ATAD2: variants seen among roughly 807,000 people sequenced by gnomAD.
The protein encoded by ATAD2 is ATPase family AAA domain containing 2.
ATAD2 carries 62 observed loss-of-function variants against 168.9 expected under a neutral mutation model. That is an observed-to-expected ratio of 0.37 (90% CI 0.30 to 0.45). The LOEUF (loss-of-function observed/expected upper bound fraction) is 0.45, where lower values mean the gene tolerates loss of function less well. Ranked by LOEUF, ATAD2 falls within the 20% of genes least tolerant of loss-of-function variation. The pLI is 1.00. For synonymous variants in ATAD2, 613 were observed against 571.6 expected, an observed-to-expected ratio of 1.07 and a Z score of -1.03; for missense variants, 1,419 against 1,667.8, an observed-to-expected ratio of 0.85 and a Z score of 2.60.
Position 123,320,015 on chromosome 8 carries a change from CA to C in ATAD2, c.*1118del, listed in dbSNP as rs1827426055. 6.6e-6 allele frequency: 1 copy of C among 152,066 alleles called. No homozygotes were observed. The allele number at this position is 152,066 out of a possible 1,614,324, so 9.4% of individuals were successfully genotyped here. On this transcript the variant is annotated 3_prime_UTR_variant, in exon 28 of 28. Coordinates refer to ENST00000287394, the MANE Select transcript of ATAD2 (RefSeq NM_014109.4). ...ATATTTAAATGTTCTCAGTGACTGG[CA>C]TTGCTTTATGCATTACATAAGATAG...
chr8:123,415,919 T>C (rs996730450), intron 1 of ATAD2, among the ~76,000 whole-genome samples: 1 of 152,176 alleles, frequency 6.6e-6, no homozygotes, highest in Non-Finnish European at 1.5e-5. Flanking sequence ...CAATATGGTG[T>C]CTTTTCTTCC....
At chr8:123,363,509 G>A (rs1310143841) in intron 8 of ATAD2, among the ~76,000 whole-genome samples, 1 of 152,070 alleles carries the variant, frequency 6.6e-6, no homozygotes, top group Non-Finnish European at 1.5e-5. Context: ...AGAAATAAAT[G>A]AGAAAATAAT....
At chr8:123,332,953 C>G (rs1171525237) in intron 24 of ATAD2, among the ~76,000 whole-genome samples, 1 of 151,952 alleles carries the variant, frequency 6.6e-6, no homozygotes, top group Non-Finnish European at 1.5e-5. Flanking sequence ...TGCCTCCTCC[C>G]ATTTTTTCAA....
In ATAD2 at chr8:123,344,944, T is replaced by C. The variant is rs1259712972; in HGVS notation, c.2658A>G (p.Ser886=). The C allele has an allele frequency of 6.2e-7, 1 of 1,614,090 alleles. No homozygotes were observed. The highest frequency in any genetic ancestry group is 8.5e-7 in the Non-Finnish European group (1 of 1,180,006). Residue 886 remains serine, a synonymous_variant, in exon 19 of 28, where the codon TCA becomes TCG. Transcript: ENST00000287394. ...TFTTLLQNIP[S]FAPVLLLATS... Reference sequence around the variant, plus strand: ...TTGCAAGTAGTAAAACTGGAGCAAATGAAGGAATATTCTGTAATAATGTGG... The same window carrying C: ...TTGCAAGTAGTAAAACTGGAGCAAACGAAGGAATATTCTGTAATAATGTGG...
Position 123,369,924 on chromosome 8 carries a change from ATCATCATCATCATCATCATCG to A in ATAD2, c.807_827del (p.Asp271_Asp277del), listed in dbSNP as rs1331049436. Reference sequence around the variant, plus strand: ...CTTCTTCATCTTCATCATCTTCATCATCATCATCATCATCATCATCGTCATCATCATCATCATCTTCATCAT... The same window carrying A: ...CTTCTTCATCTTCATCATCTTCATCATCATCATCATCATCATCTTCATCAT... On this transcript the variant is annotated inframe_deletion, in exon 7 of 28. Transcript: ENST00000287394. The A allele has an allele frequency of 3.2e-6, 5 of 1,550,574 alleles. No homozygotes were observed. Among genetic ancestry groups the A allele is most frequent in the Non-Finnish European group, 3.5e-6 (4 of 1,133,698 alleles).
chr8:123,389,984 AT>A (rs577381945), intron 1 of ATAD2, among the ~76,000 whole-genome samples: 52 of 115,134 alleles, frequency 4.5e-4, no homozygotes, highest in Middle Eastern at 4.4e-3. Context: ...ATATATATAT[AT>A]TTTTTTTTTT....
chr8:123,352,500 T>A (rs1053435690), intron 13 of ATAD2: 1 of 152,212 alleles, frequency 6.6e-6, no homozygotes, highest in East Asian at 1.9e-4. Context: ...ATTGGTGTTT[T>A]GTCAAAGAAA....
intron 12 of ATAD2, among the ~76,000 whole-genome samples, chr8:123,357,064 A>G (rs1828672114): frequency 1.3e-5 from 2 of 152,194 alleles, no homozygotes; most frequent in African/African-American, 4.8e-5. Context: ...ATTTAGCAAG[A>G]TGCCACAGTT....
intron 2 of ATAD2, among the ~76,000 whole-genome samples, chr8:123,378,727 C>CAAAAAAAAAAAAAAAAAAAAAAAAA (rs1554646643): frequency 6.6e-5 from 6 of 91,050 alleles, no homozygotes; most frequent in African/African-American, 2.4e-4. Context: ...AAAAAAAAAT[C>CAAAAAAAAAAAAAAAAAAAAAAAAA]AAAATTCCAT....
In ATAD2 at chr8:123,346,714, T is replaced by A. The variant is rs969907016; in HGVS notation, c.2249A>T (p.Tyr750Phe). ...AACTGATGGAACATCATCATCACTG[T>A]AAGCCAAGTCACTTTCTAGCAGAGG... ...SCPLLESDLA[Y>F]SDDDVPSVYE... Residue 750 changes from tyrosine (Y) to phenylalanine (F), a missense_variant, in exon 17 of 28, where the codon TAC becomes TTC. Coordinates refer to ENST00000287394, the MANE Select transcript of ATAD2 (RefSeq NM_014109.4). The A allele has an allele frequency of 5.6e-6, 9 of 1,597,348 alleles. No individual in the cohort carries two copies. Among genetic ancestry groups the A allele is most frequent in the African/African-American group, 1.3e-5 (1 of 74,380 alleles).
intron 1 of ATAD2, among the ~76,000 whole-genome samples, chr8:123,383,972 T>C (rs1410559916): frequency 1.3e-5 from 2 of 151,606 alleles, no homozygotes; most frequent in Non-Finnish European, 1.5e-5. Flanking sequence ...TCCCAGCTAC[T>C]TGGGAGGCTG....
At chr8:123,337,949 G>T (rs1827962659) in intron 20 of ATAD2, 128 bp from the exon 21 acceptor site, 1 of 886,764 alleles carries the variant, frequency 1.1e-6, no homozygotes, top group African/African-American at 1.7e-5. Context: ...CCAAAGATTT[G>T]AAATACAAAA....
rs540788958 is a variant in ATAD2 at position 123,331,146 on chromosome 8, G to A, written c.3479-2567C>T. On this transcript the variant is annotated intron_variant, in intron 24 of 27. Transcript: ENST00000287394. ...AGTAGAGACGGGGTTTCACCATGTT[G>A]GCCACGCTGGTCTTGAGCTCCTGAC... Among the ~76,000 whole-genome samples, 14 of 152,052 alleles carry A rather than the reference G, an allele frequency of 9.2e-5. No individual in the cohort carries two copies. The East Asian group carries it at 1.9e-3, about 21-fold the overall frequency.
chr8:123,336,888 C>T (rs1433633152), intron 21 of ATAD2, among the ~76,000 whole-genome samples: 1 of 151,620 alleles, frequency 6.6e-6, no homozygotes, highest in African/African-American at 2.4e-5. Flanking sequence ...TGCCTGTAAT[C>T]CCCAGCACTT....
At chr8:123,374,797 C>A (rs916585898) in intron 2 of ATAD2, among the ~76,000 whole-genome samples, 1 of 152,164 alleles carries the variant, frequency 6.6e-6, no homozygotes, top group Non-Finnish European at 1.5e-5. Context: ...ATGAAAGCTA[C>A]GGTATACGCA....
Position 123,323,039 on chromosome 8 carries a change from T to A in ATAD2, c.4030A>T (p.Ser1344Cys). ...KNLLKTVVKK[S>C]QNYNIFQLEN... ...AACTGAAATATGTTGTAGTTTTGAC[T>A]TTTTTTAACAACAGTCTTCAAAAGA... The change falls in exon 27 of 28, where the codon AGT becomes TGT. Residue 1344 changes from serine to cysteine, a missense_variant. By Grantham distance (112) the Ser-to-Cys change is moderately radical (BLOSUM62 -1). This residue lies in a region of ATAD2 where 303 missense variants were observed against 304.3 expected (regional missense o/e 1.00). Coordinates refer to ENST00000287394, the MANE Select transcript of ATAD2 (RefSeq NM_014109.4). 2 of 1,610,956 alleles carry A rather than the reference T, an allele frequency of 1.2e-6. No homozygotes were observed. Among genetic ancestry groups the A allele is most frequent in the South Asian group, 2.2e-5 (2 of 90,704 alleles).
intron 13 of ATAD2, among the ~76,000 whole-genome samples, chr8:123,351,284 G>A (rs1828449276): frequency 6.6e-6 from 1 of 151,964 alleles, no homozygotes; most frequent in South Asian, 2.1e-4. Flanking sequence ...TTAGATAAAG[G>A]TTTCCCAAAT....
upstream of ATAD2, chr8:123,401,320 G>A: frequency 2.2e-6 from 3 of 1,358,544 alleles, no homozygotes; most frequent in Non-Finnish European, 2.1e-6. Context: ...TGGGGCAGCT[G>A]TGGGCACCTG....
intron 1 of ATAD2, among the ~76,000 whole-genome samples, chr8:123,392,705 C>T (rs1480872686): frequency 6.6e-6 from 1 of 151,632 alleles, no homozygotes; most frequent in Admixed American, 6.6e-5. Context: ...ATGGAAAGGC[C>T]CTGGTATTAA....
Sources: gnomAD v4.1 joint callset for allele counts (sites outside exome capture counted in the v4.1 genomes callset) on GRCh38, gnomAD v4.1.1 for gene constraint, gnomAD v4.1.1 regional missense constraint, MANE v1.5 for transcripts, NCBI Gene and HGNC (gene_info 2026-07-23, HGNC 2026-07-21) for gene names.